The following CCDC85A variants were observed in gnomAD, a reference collection of about 807,000 sequenced individuals.
The protein encoded by CCDC85A is coiled-coil domain-containing protein 85A.
Under a neutral mutation model 50.2 loss-of-function variants are expected in CCDC85A, and 38 were observed. The ratio of observed to expected loss-of-function variants is 0.76; its 90% CI spans 0.58 to 0.99. The LOEUF is 0.99. Ranked by LOEUF, CCDC85A falls within the 50% of genes least tolerant of loss-of-function variation. The pLI is 0.00. For synonymous variants in CCDC85A, 366 were observed against 301.4 expected, an observed-to-expected ratio of 1.21 and a Z score of -2.22; for missense variants, 820 against 742.0, an observed-to-expected ratio of 1.11 and a Z score of -1.22.
At chr2:56,291,974 T>TGGA (rs925066417) in intron 2 of CCDC85A, among the ~76,000 whole-genome samples, 2 of 152,050 alleles carry the variant, frequency 1.3e-5, no homozygotes, top group African/African-American at 4.8e-5. Flanking sequence ...AAGAGACAGA[T>TGGA]GGAGGGGATT....
chr2:56,185,733 C>T (rs1019178794), intron 1 of CCDC85A: 1 of 152,262 alleles, frequency 6.6e-6, no homozygotes, highest in Non-Finnish European at 1.5e-5. Flanking sequence ...CCTTGGAGAG[C>T]GCCGGGTCTG....
At chr2:56,238,994 A>AATATAATTCTTGGATTAT (rs1351628025) in intron 2 of CCDC85A, among the ~76,000 whole-genome samples, 4 of 152,276 alleles carry the variant, frequency 2.6e-5, no homozygotes, top group Middle Eastern at 3.4e-3. Context: ...CTTATCCAAG[A>AATATAATTCTTGGATTAT]ATATAAAGGA....
At chr2:56,342,176 A>G (rs1674405637) in intron 2 of CCDC85A, among the ~76,000 whole-genome samples, 1 of 148,582 alleles carries the variant, frequency 6.7e-6, no homozygotes, top group Non-Finnish European at 1.5e-5. Context: ...CAGTCTCACC[A>G]CCTATAATTT....
At chr2:56,206,346 T>G (rs1042565522) in intron 2 of CCDC85A, among the ~76,000 whole-genome samples, 3 of 152,196 alleles carry the variant, frequency 2.0e-5, no homozygotes, top group African/African-American at 4.8e-5. Flanking sequence ...TATTTTAAAA[T>G]TTCTTTTCAA....
chr2:56,191,476 A>T (rs1271720786), intron 1 of CCDC85A, among the ~76,000 whole-genome samples: 2 of 152,210 alleles, frequency 1.3e-5, no homozygotes, highest in Non-Finnish European at 2.9e-5. Flanking sequence ...TGTGACTTAA[A>T]GGATTTTGCA....
intron 2 of CCDC85A, among the ~76,000 whole-genome samples, chr2:56,227,499 A>G (rs531448140): frequency 2.2e-4 from 33 of 152,306 alleles, no homozygotes; most frequent in African/African-American, 6.3e-4. Flanking sequence ...CAAGTGTTCC[A>G]AGCGGGAATT....
chr2:56,383,593 T>C, intron 5 of CCDC85A: 1 of 985,120 alleles, frequency 1.0e-6, no homozygotes, highest in Non-Finnish European at 1.2e-6. Context: ...ATCATCTGCC[T>C]ACATTTGGAT....
At chr2:56,312,019 G>A (rs537044184) in intron 2 of CCDC85A, among the ~76,000 whole-genome samples, 61 of 152,208 alleles carry the variant, frequency 4.0e-4, no homozygotes, top group African/African-American at 1.1e-3. Context: ...AGATAAGGAC[G>A]GTCGGGGCAC....
intron 2 of CCDC85A, among the ~76,000 whole-genome samples, chr2:56,266,262 A>G (rs777268204): frequency 1.8e-4 from 27 of 152,148 alleles, no homozygotes; most frequent in Non-Finnish European, 3.4e-4. Context: ...ATAATAATGT[A>G]TTGTGTATTT....
chr2:56,279,787 A>G (rs1437035283), intron 2 of CCDC85A, among the ~76,000 whole-genome samples: 1 of 152,216 alleles, frequency 6.6e-6, no homozygotes, highest in Non-Finnish European at 1.5e-5. Flanking sequence ...CTTTTTAATG[A>G]CTGAGCAATA....
chr2:56,184,775 G>T lies in CCDC85A; in HGVS notation c.151G>T (p.Glu51Ter), dbSNP rs1165009503. 1.3e-6 allele frequency: 2 copies of T among 1,546,596 alleles called. No homozygotes were observed. Among genetic ancestry groups the T allele is most frequent in the Non-Finnish European group, 1.7e-6 (2 of 1,146,082 alleles). Residue 51 changes from glutamate (E) to a stop codon, truncating the protein, a stop_gained, in exon 1 of 6, where the codon GAG (glutamate) becomes TAG (stop). Coordinates refer to ENST00000407595, the MANE Select transcript of CCDC85A (RefSeq NM_001080433.2). LOFTEE classifies it high-confidence loss of function. The stretch of plus-strand genomic sequence containing the variant: ...GGAGCTGCTGCAGTGGAGCAAGGAG[G>T]AGCTGATCCGCAGCCTGCGGCGCGC... ...DEELLQWSKE[E>*]LIRSLRRAEA...
At position 56,384,271 on chromosome 2, in the gene CCDC85A, G is replaced by A; in HGVS notation, c.1578G>A (p.Val526=). ...TCCTTCTTTTTTTTTTTAAGGTTGTGTGGAGGAAACTTGGAGATGCTGCAG... is the reference window on the plus strand; with the variant it reads ...TCCTTCTTTTTTTTTTTAAGGTTGTATGGAGGAAACTTGGAGATGCTGCAG... ...PEPVVHSLKV[V]WRKLGDAAGS... is the part of the protein sequence containing the mutation. Residue 526 remains valine, a synonymous_variant, in exon 6 of 6, where the codon GTG becomes GTA. Transcript: ENST00000407595. The A allele has an allele frequency of 6.2e-7, 1 of 1,609,836 alleles. No homozygotes were observed. Among genetic ancestry groups the A allele is most frequent in the Non-Finnish European group, 8.5e-7 (1 of 1,177,444 alleles).
intron 3 of CCDC85A, among the ~76,000 whole-genome samples, chr2:56,354,119 C>T (rs1019377208): frequency 7.9e-5 from 12 of 152,200 alleles, no homozygotes; most frequent in African/African-American, 2.9e-4. Flanking sequence ...GGAGGCATGA[C>T]ATTTCACAGA....
intron 2 of CCDC85A, among the ~76,000 whole-genome samples, chr2:56,336,164 A>G (rs369358749): frequency 3.0e-4 from 45 of 151,394 alleles, no homozygotes; most frequent in African/African-American, 1.0e-3. Flanking sequence ...TTATTTATTT[A>G]TTTTTTCAGA....
intron 2 of CCDC85A, among the ~76,000 whole-genome samples, chr2:56,256,548 C>T (rs568678684): frequency 6.3e-4 from 96 of 152,150 alleles, no homozygotes; most frequent in Non-Finnish European, 1.2e-3. Flanking sequence ...TGAATTGTAC[C>T]GATTGGAATT....
In CCDC85A at chr2:56,282,675, A is replaced by G. The variant is rs538975833; in HGVS notation, c.1241-60204A>G. On this transcript the variant is annotated intron_variant, in intron 2 of 5. Coordinates refer to ENST00000407595, the MANE Select transcript of CCDC85A (RefSeq NM_001080433.2). ...CAGGCATGCGGCACCATGCTTAGCT[A>G]ATTTTTGTATTTTTAGTAGAGACGG... Among the ~76,000 whole-genome samples the G allele has an allele frequency of 2.6e-5, 4 of 152,214 alleles. No homozygotes were observed. The East Asian group carries it at 5.8e-4, about 22-fold the overall frequency.
intron 1 of CCDC85A, among the ~76,000 whole-genome samples, chr2:56,189,317 C>G (rs1285375039): frequency 2.3e-5 from 1 of 43,508 alleles, no homozygotes; most frequent in African/African-American, 9.2e-5. Context: ...TTTTTTGAGA[C>G]AAGGTCTCAC....
chr2:56,374,264 A>G (rs1217849935), intron 4 of CCDC85A, among the ~76,000 whole-genome samples: 2 of 151,990 alleles, frequency 1.3e-5, no homozygotes, highest in Non-Finnish European at 1.5e-5. Flanking sequence ...GGATTATAGA[A>G]CTCTTTGAGC....
At chr2:56,248,675 G>A (rs1669618443) in intron 2 of CCDC85A, among the ~76,000 whole-genome samples, 1 of 152,188 alleles carries the variant, frequency 6.6e-6, no homozygotes, top group Non-Finnish European at 1.5e-5. Flanking sequence ...CATGGTAATT[G>A]TAAATAACAG....
Sources: gnomAD v4.1 joint callset for allele counts (sites outside exome capture counted in the v4.1 genomes callset) on GRCh38, gnomAD v4.1.1 for gene constraint, MANE v1.5 for transcripts, NCBI Gene and HGNC (gene_info 2026-07-23, HGNC 2026-07-21) for gene names.